The following ZNF331 variants were observed in gnomAD, a reference collection of about 807,000 sequenced individuals.
The protein encoded by ZNF331 is C2H2-like zinc finger protein rearranged in thyroid adenomas.
A neutral mutation model predicts 7.0 loss-of-function variants in ZNF331; 2 were observed. The observed-to-expected ratio is 0.29, with a 90% CI of 0.12 to 0.90. ZNF331 has a LOEUF of 0.90. Among genes scored for constraint, ZNF331 ranks in the 40% least tolerant of loss-of-function variants. The pLI is 0.58. For synonymous variants in ZNF331, 196 were observed against 205.4 expected, an observed-to-expected ratio of 0.95 and a Z score of 0.39; for missense variants, 432 against 587.7, an observed-to-expected ratio of 0.74 and a Z score of 2.74.
In ZNF331 at chr19:53,580,231, T is replaced by C; in HGVS notation, c.*2279T>C. 1 of 185,074 alleles carries C rather than the reference T, an allele frequency of 5.4e-6. No homozygotes were observed. The highest frequency in any genetic ancestry group is 8.8e-5 in the East Asian group (1 of 11,346). 11.5% of individuals were successfully genotyped at this position (185,074 alleles called of 1,614,324 possible). On this transcript the variant is annotated 3_prime_UTR_variant, in exon 6 of 6. Coordinates refer to ENST00000449416, the MANE Select transcript of ZNF331 (RefSeq NM_001079906.2). ...CTCCATCAATATAATACAATTATTATTTGTCAATCAAATATTAATAAAATC... is the reference window on the plus strand; with the variant it reads ...CTCCATCAATATAATACAATTATTACTTGTCAATCAAATATTAATAAAATC...
At chr19:53,533,120 G>A (rs1465684472) in intron 2 of ZNF331, among the ~76,000 whole-genome samples, 1 of 134,492 alleles carries the variant, frequency 7.4e-6, no homozygotes, top group Non-Finnish European at 1.8e-5. Flanking sequence ...CTTTCTTAAT[G>A]TAGGTGTTTA....
chr19:53,548,422 A>G (rs919879747), intron 2 of ZNF331, among the ~76,000 whole-genome samples: 5 of 151,912 alleles, frequency 3.3e-5, no homozygotes, highest in African/African-American at 7.3e-5. Flanking sequence ...ATGCCCGACT[A>G]ATTTTTCAAT....
At chr19:53,555,608 C>G (rs1238483362) in intron 2 of ZNF331, 2 of 152,382 alleles carry the variant, frequency 1.3e-5, no homozygotes, top group African/African-American at 4.8e-5. Context: ...TAGAAGTGCT[C>G]TCCACTCAGG....
At chr19:53,507,935 A>G in the ZNF331 span, among the ~76,000 whole-genome samples, 1 of 152,172 alleles carries the variant, frequency 6.6e-6, no homozygotes, top group Non-Finnish European at 1.5e-5. Flanking sequence ...GGAGGTTACA[A>G]AAAAAATCAT....
chr19:53,573,749 G>A lies in ZNF331; in HGVS notation c.136+2019G>A, dbSNP rs145047231. ...CTTCCAAAGAGGCTGGATTACAGGCGTGAGCCACTGCACCTGGCTCAATAG... is the reference window on the plus strand; with the variant it reads ...CTTCCAAAGAGGCTGGATTACAGGCATGAGCCACTGCACCTGGCTCAATAG... On this transcript the variant is annotated intron_variant, in intron 5 of 5. Coordinates refer to ENST00000449416, the MANE Select transcript of ZNF331 (RefSeq NM_001079906.2). The surrounding 1 kb of genome is among the most constrained non-coding windows in gnomAD (Gnocchi z 4.2). 1.3e-3 allele frequency among the ~76,000 whole-genome samples: 200 copies of A among 152,258 alleles called. No homozygotes were observed. The highest frequency in any genetic ancestry group is 4.8e-3 in the African/African-American group (199 of 41,542).
the ZNF331 span, among the ~76,000 whole-genome samples, chr19:53,507,524 C>T: frequency 3.2e-4 from 49 of 152,312 alleles, no homozygotes; most frequent in African/African-American, 4.3e-4. Context: ...CCCTTCTCCA[C>T]GGTCTGAAGC....
chr19:53,514,679 T>A (rs148744470), upstream of ZNF331, among the ~76,000 whole-genome samples: 3 of 134,720 alleles, frequency 2.2e-5, no homozygotes, highest in Non-Finnish European at 3.2e-5. Context: ...GAGACAGAGT[T>A]TCACACTGTC....
chr19:53,544,510 A>C (rs1033761459), intron 2 of ZNF331, among the ~76,000 whole-genome samples: 1 of 147,880 alleles, frequency 6.8e-6, no homozygotes, highest in African/African-American at 2.5e-5. Context: ...ACGCCACTGC[A>C]CTCCAGCCTG....
chr19:53,549,332 C>T (rs1196760507), intron 2 of ZNF331, among the ~76,000 whole-genome samples: 1 of 152,084 alleles, frequency 6.6e-6, no homozygotes, highest in Admixed American at 6.6e-5. Flanking sequence ...TCCGTTGCCC[C>T]ATGAGCACAG....
chr19:53,541,395 C>A (rs181289163), intron 2 of ZNF331, among the ~76,000 whole-genome samples: 1 of 152,022 alleles, frequency 6.6e-6, no homozygotes, highest in African/African-American at 2.4e-5. Flanking sequence ...CGTGAGCCAC[C>A]GTGCCCGGCC....
chr19:53,559,823 CACGTATAT>C (rs1340116897), intron 3 of ZNF331, among the ~76,000 whole-genome samples: 1 of 151,122 alleles, frequency 6.6e-6, no homozygotes, highest in African/African-American at 2.4e-5. Context: ...CACCATAACA[CACGTATAT>C]ACATATATAC....
chr19:53,534,209 T>C (rs1186104956), upstream of ZNF331, among the ~76,000 whole-genome samples: 2 of 152,158 alleles, frequency 1.3e-5, no homozygotes. Flanking sequence ...ACTGTGTTGC[T>C]TTTTGGAGGC....
upstream of ZNF331, among the ~76,000 whole-genome samples, chr19:53,536,904 A>AAAAC (rs917846410): frequency 4.5e-4 from 68 of 152,274 alleles, no homozygotes; most frequent in Non-Finnish European, 5.0e-4. Flanking sequence ...ACTCCGTCTC[A>AAAAC]AAACAAACAA....
chr19:53,551,066 C>T (rs956764712), intron 2 of ZNF331, among the ~76,000 whole-genome samples: 2 of 149,000 alleles, frequency 1.3e-5, no homozygotes, highest in African/African-American at 5.0e-5. Context: ...CTCCTGACTT[C>T]GTGATCCACC....
rs558501669 is a variant in ZNF331 at position 53,539,776 on chromosome 19, C to G, written c.-138+494C>G. On this transcript the variant is annotated intron_variant, in intron 2 of 5. Coordinates refer to ENST00000449416, the MANE Select transcript of ZNF331 (RefSeq NM_001079906.2). This position sits in a 1 kb window ranked among gnomAD's most constrained non-coding sequence, Gnocchi z 6.1. ...CATGGCATTAAGAAGGATGGACATG[C>G]CCCAAAGACATTTAGACCCATTGGT... is the stretch of plus-strand genomic sequence containing the variant. Among the ~76,000 whole-genome samples the G allele has an allele frequency of 6.6e-6, 1 of 152,138 alleles. No homozygotes were observed. The highest frequency in any genetic ancestry group is 2.1e-4 in the South Asian group (1 of 4,830).
chr19:53,542,468 A>G (rs2088243418), intron 2 of ZNF331, among the ~76,000 whole-genome samples: 1 of 152,224 alleles, frequency 6.6e-6, no homozygotes, highest in African/African-American at 2.4e-5. Context: ...AGTAACAAAT[A>G]TGGGCTGTAT....
At chr19:53,554,121 C>T (rs1820607201) in intron 2 of ZNF331, among the ~76,000 whole-genome samples, 1 of 152,190 alleles carries the variant, frequency 6.6e-6, no homozygotes, top group Non-Finnish European at 1.5e-5. Context: ...GTGTTTGGGC[C>T]TGAGTAGGGC....
At chr19:53,507,525 G>C in the ZNF331 span, among the ~76,000 whole-genome samples, 1 of 152,138 alleles carries the variant, frequency 6.6e-6, no homozygotes, top group African/African-American at 2.4e-5. Context: ...CCTTCTCCAC[G>C]GTCTGAAGCA....
At chr19:53,508,774 GT>G in the ZNF331 span, among the ~76,000 whole-genome samples, 1 of 152,212 alleles carries the variant, frequency 6.6e-6, no homozygotes, top group African/African-American at 2.4e-5. Flanking sequence ...GGGACTCAAA[GT>G]TAGTTACAAT....
Sources: allele counts gnomAD v4.1 joint callset (sites outside exome capture counted in the v4.1 genomes callset), GRCh38; gene constraint gnomAD v4.1.1; non-coding constraint Gnocchi (gnomAD v3.1); transcripts MANE v1.5; gene names NCBI Gene and HGNC (gene_info 2026-07-23, HGNC 2026-07-21).